STPG2: variants seen among roughly 807,000 people sequenced by gnomAD.
STPG2 encodes the protein sperm tail PG-rich repeat containing 2, also known as sperm-tail PG-rich repeat-containing protein 2.
Under a neutral mutation model 54.2 loss-of-function variants are expected in STPG2, and 56 were observed. The observed-to-expected ratio is 1.03, with a 90% CI of 0.83 to 1.29. The LOEUF (loss-of-function observed/expected upper bound fraction) is 1.29, where lower values mean the gene tolerates loss of function less well. STPG2 is among the 50% of genes most tolerant of loss of function. The pLI is 0.00. For synonymous variants in STPG2, 200 were observed against 181.8 expected, an observed-to-expected ratio of 1.10 and a Z score of -0.81; for missense variants, 596 against 544.9, an observed-to-expected ratio of 1.09 and a Z score of -0.93.
chr4:97,737,143 G>A (rs6532694), intron 9 of STPG2, among the ~76,000 whole-genome samples: 18 of 152,102 alleles, frequency 1.2e-4, no homozygotes, highest in Admixed American at 1.0e-3. Flanking sequence ...CACCTGCAGC[G>A]GAGGGTCCTG....
At chr4:97,601,717 C>T (rs921632311) in intron 10 of STPG2, among the ~76,000 whole-genome samples, 1 of 151,890 alleles carries the variant, frequency 6.6e-6, no homozygotes, top group African/African-American at 2.4e-5. Context: ...GATTGAATTA[C>T]TATTGCACTA....
chr4:97,462,365 A>G (rs1407490770), intron 4 of STPG2, among the ~76,000 whole-genome samples: 1 of 151,940 alleles, frequency 6.6e-6, no homozygotes, highest in Admixed American at 6.6e-5. Flanking sequence ...CTTATTCATA[A>G]TTGCTCTCAT....
chr4:97,971,893 T>G (rs1328522840), intron 7 of STPG2, among the ~76,000 whole-genome samples: 1 of 152,218 alleles, frequency 6.6e-6, no homozygotes, highest in African/African-American at 2.4e-5. Flanking sequence ...AGCTTTCCAT[T>G]TTAAAACCAA....
At chr4:97,600,370 C>T (rs1379546426) in intron 10 of STPG2, among the ~76,000 whole-genome samples, 1 of 152,072 alleles carries the variant, frequency 6.6e-6, no homozygotes, top group African/African-American at 2.4e-5. Context: ...AAATAAAGTC[C>T]TTTCTTCAAA....
intron 8 of STPG2, among the ~76,000 whole-genome samples, chr4:97,927,528 AAT>A (rs1732378951): frequency 6.6e-6 from 1 of 152,168 alleles, no homozygotes; most frequent in Non-Finnish European, 1.5e-5. Context: ...TATGCTAAAC[AAT>A]AGTGATTACA....
intron 1 of STPG2, among the ~76,000 whole-genome samples, chr4:98,140,405 G>A (rs545308249): frequency 1.3e-5 from 2 of 152,154 alleles, no homozygotes; most frequent in South Asian, 4.1e-4. Context: ...CTTGCCACAA[G>A]ATAGAAGATG....
chr4:97,799,728 C>G (rs1727319957), intron 9 of STPG2, among the ~76,000 whole-genome samples: 1 of 151,992 alleles, frequency 6.6e-6, no homozygotes, highest in Non-Finnish European at 1.5e-5. Flanking sequence ...GAATGTTGGC[C>G]TGCCTTGCTA....
intron 8 of STPG2, among the ~76,000 whole-genome samples, chr4:97,925,291 T>C (rs1732290564): frequency 6.6e-6 from 1 of 152,178 alleles, no homozygotes; most frequent in Admixed American, 6.5e-5. Context: ...CACTGTTCCT[T>C]CTCGGCCTTG....
chr4:98,058,863 T>A (rs1377016029), intron 5 of STPG2, among the ~76,000 whole-genome samples: 1 of 151,706 alleles, frequency 6.6e-6, no homozygotes, highest in Non-Finnish European at 1.5e-5. Context: ...ATCATACCAA[T>A]AGCACTAAAT....
At chr4:97,828,463 G>A (rs1481356043) in intron 9 of STPG2, among the ~76,000 whole-genome samples, 1 of 152,188 alleles carries the variant, frequency 6.6e-6, no homozygotes, top group Admixed American at 6.5e-5. Context: ...CTGGGCAGCT[G>A]GTTGGGCAGA....
chr4:97,605,190 T>C (rs1733563419), intron 10 of STPG2, among the ~76,000 whole-genome samples: 1 of 151,802 alleles, frequency 6.6e-6, no homozygotes, highest in South Asian at 2.1e-4. Flanking sequence ...TTCATTACCT[T>C]TTTAGCTTTT....
intron 5 of STPG2, among the ~76,000 whole-genome samples, chr4:98,064,584 T>C (rs1324225529): frequency 6.6e-6 from 1 of 152,188 alleles, no homozygotes; most frequent in Non-Finnish European, 1.5e-5. Flanking sequence ...AAACTTCATA[T>C]TGGGTTTAGA....
chr4:97,999,545 AT>A (rs1735347747), intron 5 of STPG2, among the ~76,000 whole-genome samples: 1 of 152,190 alleles, frequency 6.6e-6, no homozygotes, highest in South Asian at 2.1e-4. Flanking sequence ...TCTACTAAAA[AT>A]ACAAAAATTA....
chr4:97,712,310 C>T lies in STPG2; in HGVS notation c.1320+389G>A, dbSNP rs570203051. ...TCATTAAAAGAAAATAAAAGAGCAA[C>T]ACACAATTTTATTTGATCCACAGGG... is the stretch of plus-strand genomic sequence containing the variant. On this transcript the variant is annotated intron_variant, in intron 10 of 10. Transcript: ENST00000295268. Among the ~76,000 whole-genome samples the T allele has an allele frequency of 2.0e-5, 3 of 152,130 alleles. No homozygotes were observed. In the East Asian group the frequency reaches 5.8e-4, roughly 29 times the overall value.
chr4:97,638,324 A>C (rs1721632551), intron 10 of STPG2, among the ~76,000 whole-genome samples: 3 of 152,168 alleles, frequency 2.0e-5, no homozygotes, highest in South Asian at 4.1e-4. Context: ...CCTTCCTTAC[A>C]CCTTATACAA....
intron 10 of STPG2, among the ~76,000 whole-genome samples, chr4:97,600,008 G>A (rs1056916131): frequency 6.6e-6 from 1 of 152,048 alleles, no homozygotes. Flanking sequence ...AATAGTGCAT[G>A]TCCTCACTTA....
At chr4:97,681,028 G>A (rs930399809) in intron 10 of STPG2, among the ~76,000 whole-genome samples, 3 of 151,664 alleles carry the variant, frequency 2.0e-5, no homozygotes, top group Admixed American at 1.3e-4. Context: ...ATTTTATTCC[G>A]GCACATATTT....
intron 8 of STPG2, among the ~76,000 whole-genome samples, chr4:97,868,969 A>G (rs1452122168): frequency 6.6e-6 from 1 of 151,922 alleles, no homozygotes; most frequent in Non-Finnish European, 1.5e-5. Context: ...TGCCAGAACC[A>G]GAAGTCTTTT....
intron 8 of STPG2, among the ~76,000 whole-genome samples, chr4:97,889,165 A>G (rs1421852078): frequency 6.6e-6 from 1 of 152,246 alleles, no homozygotes; most frequent in African/African-American, 2.4e-5. Flanking sequence ...TCAAAAAGGC[A>G]AAAGACACTA....
Sources: allele counts gnomAD v4.1 joint callset (sites outside exome capture counted in the v4.1 genomes callset), GRCh38; gene constraint gnomAD v4.1.1; transcripts MANE v1.5; gene names NCBI Gene and HGNC (gene_info 2026-07-23, HGNC 2026-07-21).